Variants in ANKS1B observed in about 807,000 individuals in gnomAD.
ANKS1B encodes the protein ankyrin repeat and sterile alpha motif domain-containing protein 1B.
A neutral mutation model predicts 148.3 loss-of-function variants in ANKS1B; 36 were observed. The observed-to-expected ratio is 0.24, with a 90% CI of 0.19 to 0.32. ANKS1B has a LOEUF of 0.32. ANKS1B is among the 10% of genes least tolerant of loss of function. ANKS1B has a pLI of 1.00. For synonymous variants in ANKS1B, 542 were observed against 560.8 expected (o/e 0.97, Z 0.47); for missense variants, 1,157 against 1,542.6 (o/e 0.75, Z 4.19).
rs1192421046 is a variant in ANKS1B at position 99,098,853 on chromosome 12, G to C, written c.2527-13830C>G. Among the ~76,000 whole-genome samples the C allele has an allele frequency of 2.0e-5, 3 of 150,852 alleles. No individual in the cohort carries two copies. The East Asian group carries it at 5.9e-4, about 29-fold the overall frequency. Reference sequence around the variant, plus strand: ...ATCCCACAGGGTCCCATACTCTACAGGCCCTGCATTTGGGGTTTAATTTCT... The same window carrying C: ...ATCCCACAGGGTCCCATACTCTACACGCCCTGCATTTGGGGTTTAATTTCT... On this transcript the variant is annotated intron_variant, in intron 15 of 26. Coordinates refer to ENST00000683438, the MANE Select transcript of ANKS1B (RefSeq NM_001352186.2).
intron 17 of ANKS1B, among the ~76,000 whole-genome samples, chr12:98,835,692 T>C (rs1028062737): frequency 2.6e-5 from 4 of 152,196 alleles, no homozygotes; most frequent in Admixed American, 6.5e-5. Flanking sequence ...GTCTCCTCCA[T>C]AGAGCTACCC....
Position 99,055,721 on chromosome 12 carries a change from TG to T in ANKS1B, c.2626-2413del, listed in dbSNP as rs556077612. Among the ~76,000 whole-genome samples, 473 of 61,158 alleles carry T rather than the reference TG, an allele frequency of 7.7e-3. 2 individuals are homozygous for T. Among genetic ancestry groups the T allele is most frequent in the African/African-American group, 0.023 (416 of 18,020 alleles). 40.1% of individuals were successfully genotyped at this position (61,158 alleles called of 152,430 possible). ...CAGTCCCTTAGGGGAAGTCTAAACT[TG>T]GGGGGGGGGGAGGTGGTGAGGAAAA... On this transcript the variant is annotated intron_variant, in intron 16 of 26. Coordinates refer to ENST00000683438, the MANE Select transcript of ANKS1B (RefSeq NM_001352186.2).
intron 1 of ANKS1B, among the ~76,000 whole-genome samples, chr12:99,902,795 G>A (rs886416207): frequency 3.2e-4 from 47 of 148,926 alleles, no homozygotes; most frequent in African/African-American, 8.8e-4. Context: ...CTGTCATCCA[G>A]GCTGGAATGC....
intron 1 of ANKS1B, among the ~76,000 whole-genome samples, chr12:99,898,646 C>T (rs1343388699): frequency 1.3e-5 from 2 of 152,072 alleles, no homozygotes; most frequent in Non-Finnish European, 2.9e-5. Flanking sequence ...TAATTTGCTA[C>T]ATATAATGGG....
chr12:99,458,780 A>T (rs1239059213), intron 10 of ANKS1B, among the ~76,000 whole-genome samples: 1 of 151,930 alleles, frequency 6.6e-6, no homozygotes, highest in Non-Finnish European at 1.5e-5. Context: ...AAAGTTACCG[A>T]GAAAAAAAGG....
intron 10 of ANKS1B, among the ~76,000 whole-genome samples, chr12:99,459,773 A>C (rs939998327): frequency 2.6e-5 from 4 of 152,172 alleles, no homozygotes; most frequent in Non-Finnish European, 5.9e-5. Flanking sequence ...AACAAATAGA[A>C]ACACATCCCA....
At chr12:99,384,916 T>G (rs1376990650) in intron 12 of ANKS1B, among the ~76,000 whole-genome samples, 1 of 152,224 alleles carries the variant, frequency 6.6e-6, no homozygotes, top group Non-Finnish European at 1.5e-5. Flanking sequence ...TAACATTTTA[T>G]AAGTACTAAA....
In ANKS1B at chr12:99,717,107, T is replaced by C. The variant is rs535880825; in HGVS notation, c.1128+55815A>G. 2.6e-5 allele frequency among the ~76,000 whole-genome samples: 4 copies of C among 152,332 alleles called. No individual in the cohort carries two copies. The South Asian group carries it at 8.3e-4, about 32-fold the overall frequency. ...AAATATAAAAACTCAGCCCAGTTCA[T>C]GGCTCGTTTGGCAGCAACCCTGAGA... On this transcript the variant is annotated intron_variant, in intron 8 of 26. Coordinates refer to ENST00000683438, the MANE Select transcript of ANKS1B (RefSeq NM_001352186.2).
At chr12:99,622,519 G>T (rs2153377364) in intron 9 of ANKS1B, among the ~76,000 whole-genome samples, 1 of 151,864 alleles carries the variant, frequency 6.6e-6, no homozygotes, top group East Asian at 1.9e-4. Flanking sequence ...CAAAAACAAA[G>T]AGAAGAACAC....
At chr12:98,885,494 A>C (rs1371380730) in intron 17 of ANKS1B, among the ~76,000 whole-genome samples, 3 of 152,218 alleles carry the variant, frequency 2.0e-5, no homozygotes, top group African/African-American at 7.2e-5. Context: ...GAACATGTGC[A>C]ATGAAAGAAG....
chr12:99,901,105 A>G (rs1320474566), intron 1 of ANKS1B, among the ~76,000 whole-genome samples: 26 of 152,234 alleles, frequency 1.7e-4, no homozygotes, highest in Admixed American at 1.7e-3. Flanking sequence ...AAAAATAGAT[A>G]TATCTTCTTA....
At chr12:99,513,765 A>T (rs948897860) in intron 9 of ANKS1B, among the ~76,000 whole-genome samples, 5 of 151,990 alleles carry the variant, frequency 3.3e-5, no homozygotes, top group African/African-American at 1.2e-4. Context: ...CCAGACCACC[A>T]TTATATTTCA....
intron 1 of ANKS1B, among the ~76,000 whole-genome samples, chr12:99,863,745 T>C (rs1306407126): frequency 6.6e-6 from 1 of 151,398 alleles, no homozygotes; most frequent in Non-Finnish European, 1.5e-5. Flanking sequence ...TCTTGCCAAA[T>C]TATATAGCCT....
intron 26 of ANKS1B, among the ~76,000 whole-genome samples, chr12:98,749,328 C>T (rs113328112): frequency 2.6e-5 from 4 of 151,808 alleles, no homozygotes; most frequent in African/African-American, 7.3e-5. Context: ...AGGAGAATCT[C>T]GATCTCCTGA....
rs1011550937 is a variant in ANKS1B at position 98,744,119 on chromosome 12, T to C, written c.*1620A>G. 29 of 985,680 alleles carry C rather than the reference T, an allele frequency of 2.9e-5. No individual in the cohort carries two copies. The highest frequency in any genetic ancestry group is 3.1e-5 in the Non-Finnish European group (26 of 829,876). The allele number at this position is 985,680 out of a possible 1,614,324, so 61.1% of individuals were successfully genotyped here. On this transcript the variant is annotated 3_prime_UTR_variant, in exon 27 of 27. Coordinates refer to ENST00000683438, the MANE Select transcript of ANKS1B (RefSeq NM_001352186.2). ...AAAGCTCCTATTAACTTTGCTCCTA[T>C]ACAATTGCCTCCTGGTACCATATTT...
chr12:99,561,543 T>C (rs2097335963), intron 9 of ANKS1B, among the ~76,000 whole-genome samples: 1 of 152,220 alleles, frequency 6.6e-6, no homozygotes, highest in South Asian at 2.1e-4. Flanking sequence ...GCATCCTCTA[T>C]ATGATTTTTA....
chr12:99,010,050 A>G (rs2099938409), intron 17 of ANKS1B, among the ~76,000 whole-genome samples: 1 of 152,074 alleles, frequency 6.6e-6, no homozygotes, highest in Non-Finnish European at 1.5e-5. Context: ...ACGTGGGAGG[A>G]TCTCAAAAGT....
intron 17 of ANKS1B, among the ~76,000 whole-genome samples, chr12:99,017,013 T>C (rs1477767987): frequency 6.6e-6 from 1 of 152,148 alleles, no homozygotes; most frequent in Non-Finnish European, 1.5e-5. Context: ...GAAGGGGTTG[T>C]GGGCAATATC....
At chr12:99,231,495 A>C (rs1227797781) in intron 14 of ANKS1B, among the ~76,000 whole-genome samples, 2 of 152,160 alleles carry the variant, frequency 1.3e-5, no homozygotes, top group Non-Finnish European at 2.9e-5. Flanking sequence ...CATCTATAAA[A>C]TGGGCATAAT....
Sources: gnomAD v4.1 joint callset for allele counts (sites outside exome capture counted in the v4.1 genomes callset) on GRCh38, gnomAD v4.1.1 for gene constraint, MANE v1.5 for transcripts, NCBI Gene and HGNC (gene_info 2026-07-23, HGNC 2026-07-21) for gene names.